The following EXOC2 variants were observed in gnomAD, a reference collection of about 807,000 sequenced individuals.
The protein encoded by EXOC2 is exocyst complex component 2.
In EXOC2, 70 loss-of-function variants were observed where a neutral mutation model predicts 131.8. That is an observed-to-expected ratio of 0.53 (90% CI 0.44 to 0.65). The LOEUF is 0.65. EXOC2 is among the 30% of genes least tolerant of loss of function. The pLI is 0.00. For synonymous variants in EXOC2, 411 were observed against 398.4 expected, an observed-to-expected ratio of 1.03 and a Z score of -0.38; for missense variants, 923 against 1,108.6, an observed-to-expected ratio of 0.83 and a Z score of 2.38.
rs1324961728 is a variant in EXOC2, at chr6:658,663, ATATTT to A, written c.-43-20807_-43-20803del. 4.4e-3 allele frequency among the ~76,000 whole-genome samples: 318 copies of A among 71,862 alleles called. 4 individuals are homozygous for A. Among genetic ancestry groups the A allele is most frequent in the Non-Finnish European group, 8.0e-3 (254 of 31,776 alleles). The allele number at this position is 71,862 out of a possible 152,430, so 47.1% of individuals were successfully genotyped here. A position where few individuals can be genotyped will look rare whatever the true frequency, so the allele number is the denominator to read the frequency against. Reference sequence around the variant, plus strand: ...ATATATTTTATATATATATATATATATATTTTTTTTTTTTTTAGACGAAGTCTTGC... The same window carrying A: ...ATATATTTTATATATATATATATATATTTTTTTTTTTAGACGAAGTCTTGC... On this transcript the variant is annotated intron_variant, in intron 1 of 27. Coordinates refer to ENST00000230449, the MANE Select transcript of EXOC2 (RefSeq NM_018303.6).
chr6:573,792 G>A (rs887309605), intron 12 of EXOC2, among the ~76,000 whole-genome samples: 4 of 152,038 alleles, frequency 2.6e-5, no homozygotes, highest in Non-Finnish European at 5.9e-5. Flanking sequence ...AAGGTACACA[G>A]TGAAAAGTCT....
chr6:640,167 G>C (rs1762289970), intron 1 of EXOC2, among the ~76,000 whole-genome samples: 1 of 152,146 alleles, frequency 6.6e-6, no homozygotes, highest in Admixed American at 6.5e-5. Context: ...GAAATTTCAG[G>C]GAGGAAACTG....
intron 1 of EXOC2, among the ~76,000 whole-genome samples, chr6:659,260 G>A (rs1763303487): frequency 1.3e-5 from 2 of 152,188 alleles, no homozygotes; most frequent in African/African-American, 2.4e-5. Flanking sequence ...AATAACAGTG[G>A]TGCCAGAAAG....
In EXOC2 at chr6:674,734, G is replaced by GT. The variant is rs535221806; in HGVS notation, c.-44+18284dup. On this transcript the variant is annotated intron_variant, in intron 1 of 27. Transcript: ENST00000230449. ...ACCATGTTTGTTTGTTTGTTTGTTTGTTTGTTTGTTGTCAGTGCTTTATGA... is the reference window on the plus strand; with the variant it reads ...ACCATGTTTGTTTGTTTGTTTGTTTGTTTTGTTTGTTGTCAGTGCTTTATGA... Among the ~76,000 whole-genome samples the GT allele has an allele frequency of 1.3e-4, 20 of 148,654 alleles. No homozygotes were observed. The East Asian group carries it at 3.9e-3, about 29-fold the overall frequency.
At position 637,805 on chromosome 6, in the gene EXOC2, C is replaced by T. The variant is rs2127716132; in HGVS notation, c.14G>A (p.Arg5Gln). Residue 5 changes from arginine (R) to glutamine (Q), a missense_variant, in exon 2 of 28, where the codon CGA (arginine) becomes CAA (glutamine). Transcript: ENST00000230449. MSRSRQPPLVTGISP... is the reference protein window; with the variant it reads MSRSQQPPLVTGISP... ...GATGCCGGTCACAAGGGGGGGTTGT[C>T]GTGATCGAGACATTGTGCTTTGTGG... 1.2e-6 allele frequency: 2 copies of T among 1,613,476 alleles called. No individual in the cohort carries two copies. Among genetic ancestry groups the T allele is most frequent in the Non-Finnish European group, 1.7e-6 (2 of 1,179,786 alleles).
rs112315757 is a variant in EXOC2, at chr6:518,338, ATT to A, written c.2380+14129_2380+14130del. Among the ~76,000 whole-genome samples, 426 of 152,332 alleles carry A rather than the reference ATT, an allele frequency of 2.8e-3. 3 individuals carry two copies. Among genetic ancestry groups the A allele is most frequent in the African/African-American group, 9.7e-3 (405 of 41,570 alleles). ...TTAAGTCGGCCAACAGGTCAACTGG[ATT>A]TGTCAGACTGTTCGGTTTGGAGATA... On this transcript the variant is annotated intron_variant, in intron 23 of 27. Coordinates refer to ENST00000230449, the MANE Select transcript of EXOC2 (RefSeq NM_018303.6).
intron 11 of EXOC2, among the ~76,000 whole-genome samples, chr6:590,807 T>C (rs558606277): frequency 6.6e-6 from 1 of 152,292 alleles, no homozygotes; most frequent in African/African-American, 2.4e-5. Context: ...TGCTTCTTTT[T>C]TCGTCTTCTT....
chr6:656,982 G>T (rs749051985), intron 1 of EXOC2: 1 of 1,470,138 alleles, frequency 6.8e-7, no homozygotes, highest in Admixed American at 2.2e-5. Context: ...CTCTGAGGGG[G>T]ATTCCGCGTG....
chr6:495,575 G>C (rs1763681375), intron 25 of EXOC2, among the ~76,000 whole-genome samples: 1 of 152,180 alleles, frequency 6.6e-6, no homozygotes, highest in South Asian at 2.1e-4. Flanking sequence ...GGGTCATAGG[G>C]TACGTATGTG....
At chr6:600,971 C>A (rs1356121108) in intron 7 of EXOC2, among the ~76,000 whole-genome samples, 1 of 152,078 alleles carries the variant, frequency 6.6e-6, no homozygotes, top group Non-Finnish European at 1.5e-5. Context: ...CTCTGATTAT[C>A]AGATAATGTA....
At chr6:554,563 T>C (rs1406908641) in intron 20 of EXOC2, among the ~76,000 whole-genome samples, 1 of 152,176 alleles carries the variant, frequency 6.6e-6, no homozygotes, top group Non-Finnish European at 1.5e-5. Context: ...TAGTTTTATA[T>C]ACTGAAAAGC....
chr6:502,293 T>C (rs1484879496), intron 23 of EXOC2, among the ~76,000 whole-genome samples: 1 of 152,174 alleles, frequency 6.6e-6, no homozygotes, highest in Admixed American at 6.5e-5. Flanking sequence ...GTGTCAGGAT[T>C]TGGGGCTCTA....
At chr6:492,395 G>A (rs1477034900) in intron 25 of EXOC2, among the ~76,000 whole-genome samples, 3 of 152,144 alleles carry the variant, frequency 2.0e-5, no homozygotes, top group East Asian at 1.9e-4. Flanking sequence ...TAGCAATTCC[G>A]CTCCTTGGTA....
intron 7 of EXOC2, among the ~76,000 whole-genome samples, chr6:609,855 A>C (rs985350158): frequency 1.3e-5 from 2 of 152,122 alleles, no homozygotes; most frequent in Non-Finnish European, 2.9e-5. Flanking sequence ...AGGAAACTTT[A>C]TTTCTTAAGA....
intron 1 of EXOC2, among the ~76,000 whole-genome samples, chr6:670,505 G>A (rs907146279): frequency 2.0e-5 from 3 of 151,044 alleles, no homozygotes; most frequent in Non-Finnish European, 3.0e-5. Context: ...AAAAAAAAAA[G>A]GGAAGGAGGA....
chr6:646,936 T>A (rs1396711423), intron 1 of EXOC2, among the ~76,000 whole-genome samples: 2 of 152,196 alleles, frequency 1.3e-5, no homozygotes, highest in African/African-American at 4.8e-5. Flanking sequence ...AACAACTGCT[T>A]CAATAAACAG....
chr6:485,165 T>C lies in EXOC2; in HGVS notation c.*1506A>G, dbSNP rs1762981883. The C allele has an allele frequency of 6.6e-6, 1 of 152,230 alleles. No homozygotes were observed. The highest frequency in any genetic ancestry group is 2.4e-5 in the African/African-American group (1 of 41,466). The allele number at this position is 152,230 out of a possible 1,614,324, so 9.4% of individuals were successfully genotyped here. A position where few individuals can be genotyped will look rare whatever the true frequency, so the allele number is the denominator to read the frequency against. ...AATTACAACTTACATTAAAGGCAGATTCTTTATTGGCTGAATGTGCTGTAG... is the reference window on the plus strand; with the variant it reads ...AATTACAACTTACATTAAAGGCAGACTCTTTATTGGCTGAATGTGCTGTAG... On this transcript the variant is annotated 3_prime_UTR_variant, in exon 28 of 28. Coordinates refer to ENST00000230449, the MANE Select transcript of EXOC2 (RefSeq NM_018303.6).
chr6:646,138 CTCA>C (rs1450770899), intron 1 of EXOC2, among the ~76,000 whole-genome samples: 1 of 152,154 alleles, frequency 6.6e-6, no homozygotes, highest in Non-Finnish European at 1.5e-5. Context: ...AGAAAGGCTC[CTCA>C]TGTTTGTCTG....
At chr6:649,430 C>A (rs1160134798) in intron 1 of EXOC2, among the ~76,000 whole-genome samples, 1 of 152,158 alleles carries the variant, frequency 6.6e-6, no homozygotes, top group African/African-American at 2.4e-5. Flanking sequence ...AGATGGGCTA[C>A]AAATTATTAC....
Sources: gnomAD v4.1 joint callset for allele counts (sites outside exome capture counted in the v4.1 genomes callset) on GRCh38, gnomAD v4.1.1 for gene constraint, MANE v1.5 for transcripts, NCBI Gene and HGNC (gene_info 2026-07-23, HGNC 2026-07-21) for gene names.